MYH2: variants seen among roughly 807,000 people sequenced by gnomAD.
The protein encoded by MYH2 is myosin-2.
In MYH2, 139 loss-of-function variants were observed where a neutral mutation model predicts 228.1. The ratio of observed to expected loss-of-function variants is 0.61; its 90% CI spans 0.53 to 0.70. The LOEUF is 0.70. Among genes scored for constraint, MYH2 ranks in the 30% least tolerant of loss-of-function variants. The probability of loss-of-function intolerance (pLI) is 0.00; values close to 1 mark genes in which losing one functional copy is unlikely to be tolerated. For synonymous variants in MYH2, 796 were observed against 871.1 expected (o/e 0.91, Z 1.52); for missense variants, 1,809 against 2,357.5 (o/e 0.77, Z 4.82).
rs1283400784 is a variant in MYH2, at chr17:10,539,485, C to T, written c.1225G>A (p.Val409Ile). ...CCTTTGGTGACATACTCATTGCCGA[C>T]CTTGACCCTGGGGTAGCAGAGAGCT... ...LKALCYPRVK[V>I]GNEYVTKGQT... Residue 409 changes from valine (V) to isoleucine (I), a missense_variant, in exon 13 of 40, where the codon GTC (valine) becomes ATC (isoleucine). Val to Ile is a conservative substitution (Grantham distance 29). Transcript: ENST00000245503. 7 of 1,614,046 alleles carry T rather than the reference C, an allele frequency of 4.3e-6. No homozygotes were observed. Among genetic ancestry groups the T allele is most frequent in the Non-Finnish European group, 5.9e-6 (7 of 1,180,042 alleles).
In MYH2 at chr17:10,523,112, T is replaced by A. The variant is rs779103482; in HGVS notation, c.5651A>T (p.Tyr1884Phe). 1.2e-6 allele frequency: 2 copies of A among 1,613,238 alleles called. No individual in the cohort carries two copies. Among genetic ancestry groups the A allele is most frequent in the East Asian group, 2.2e-5 (1 of 44,880 alleles). Residue 1884 changes from tyrosine (Y) to phenylalanine (F), a missense_variant, in exon 39 of 40, where the codon TAT becomes TTT. Tyr to Phe is a conservative substitution (Grantham distance 22). Coordinates refer to ENST00000245503, the MANE Select transcript of MYH2 (RefSeq NM_017534.6). ...TACAGCCTCCTCAGCTTGTCTCTTA[T>A]AAGATTTCACTTTTGCCTGAAGTTT... ...VDKLQAKVKS[Y>F]KRQAEEAEEQ... is the part of the protein sequence containing the mutation.
rs2073341376 is a variant in MYH2 at position 10,525,590 on chromosome 17, A to C, written c.4398T>G (p.Cys1466Trp). The C allele has an allele frequency of 6.2e-7, 1 of 1,614,060 alleles. No homozygotes were observed. Among genetic ancestry groups the C allele is most frequent in the African/African-American group, 1.3e-5 (1 of 74,920 alleles). ...DKILAEWKQK[C>W]EETHAELEAS... Reference sequence around the variant, plus strand: ...CCTCAAGCTCAGCATGCGTTTCCTCACATTTCTGTTTCCATTCTGCCAGGA... The same window carrying C: ...CCTCAAGCTCAGCATGCGTTTCCTCCCATTTCTGTTTCCATTCTGCCAGGA... The change falls in exon 32 of 40, where the codon TGT (cysteine) becomes TGG (tryptophan). Residue 1466 changes from cysteine to tryptophan, a missense_variant. By Grantham distance (215) the Cys-to-Trp change is radical (BLOSUM62 -2). This residue lies in a region of MYH2 where 636 missense variants were observed against 729.9 expected (regional missense o/e 0.87). Coordinates refer to ENST00000245503, the MANE Select transcript of MYH2 (RefSeq NM_017534.6). This position sits in a 1 kb window ranked among gnomAD's most constrained non-coding sequence, Gnocchi z 4.2.
In MYH2 at chr17:10,525,979, C is replaced by A; in HGVS notation, c.4188-103G>T. The A allele has an allele frequency of 7.8e-7, 1 of 1,274,488 alleles. No individual in the cohort carries two copies. The highest frequency in any genetic ancestry group is 1.3e-5 in the South Asian group (1 of 76,470). 78.9% of individuals were successfully genotyped at this position (1,274,488 alleles called of 1,614,324 possible). ...TGTTAGAAACTTCACATTAATGCTG[C>A]CCAGCCACCTTTCATTCTTTCAACA... On this transcript the variant is annotated intron_variant, in intron 30 of 39. Coordinates refer to ENST00000245503, the MANE Select transcript of MYH2 (RefSeq NM_017534.6). This position sits in a 1 kb window ranked among gnomAD's most constrained non-coding sequence, Gnocchi z 4.2.
At position 10,529,073 on chromosome 17, in the gene MYH2, T is replaced by G. The variant is rs767581337; in HGVS notation, c.3361A>C (p.Ile1121Leu). 67 of 1,614,104 alleles carry G rather than the reference T, an allele frequency of 4.2e-5. No homozygotes were observed. The highest frequency in any genetic ancestry group is 4.7e-5 in the Non-Finnish European group (55 of 1,180,054). Residue 1121 changes from isoleucine to leucine, a missense_variant, in exon 27 of 40, where the codon ATT becomes CTT. By Grantham distance (5) the Ile-to-Leu change is conservative. Around this residue, in one of 9 missense-constraint regions of MYH2, gnomAD observed 636 missense variants for 729.9 expected, o/e 0.87. Coordinates refer to ENST00000245503, the MANE Select transcript of MYH2 (RefSeq NM_017534.6). ...TCGATTTCCTCCTCCAGCTCCTCAA[T>G]GCGGGCCTGGGAATGGTGGAAAATA... ...QKKIKELQAR[I>L]EELEEEIEAE...
At chr17:10,539,631 T>G (rs2073527453) in intron 12 of MYH2, 69 bp from the exon 13 acceptor site, 1 of 1,448,776 alleles carries the variant, frequency 6.9e-7, no homozygotes, top group Non-Finnish European at 9.7e-7. Context: ...AAAATATTTT[T>G]TAAACTACAA....
intron 27 of MYH2, among the ~76,000 whole-genome samples, chr17:10,528,484 C>T (rs189843200): frequency 1.4e-3 from 207 of 152,118 alleles, no homozygotes; most frequent in African/African-American, 4.7e-3. Flanking sequence ...TTATTAATGG[C>T]GTGATGGGTC....
At position 10,523,112 on chromosome 17, in the gene MYH2, T is replaced by C; in HGVS notation, c.5651A>G (p.Tyr1884Cys). The C allele has an allele frequency of 1.9e-6, 3 of 1,613,356 alleles. No homozygotes were observed. Among genetic ancestry groups the C allele is most frequent in the Non-Finnish European group, 2.5e-6 (3 of 1,179,258 alleles). ...VDKLQAKVKS[Y>C]KRQAEEAEEQ... The stretch of plus-strand genomic sequence containing the variant: ...TACAGCCTCCTCAGCTTGTCTCTTA[T>C]AAGATTTCACTTTTGCCTGAAGTTT... Residue 1884 changes from tyrosine to cysteine, a missense_variant, in exon 39 of 40, where the codon TAT (tyrosine) becomes TGT (cysteine). Transcript: ENST00000245503.
intron 4 of MYH2, among the ~76,000 whole-genome samples, chr17:10,546,618 G>C (rs1169734497): frequency 6.6e-6 from 1 of 151,950 alleles, no homozygotes; most frequent in African/African-American, 2.4e-5. Context: ...AACATGGTTA[G>C]TGTTAAGGCA....
chr17:10,534,336 G>A (rs2073458096), intron 19 of MYH2, among the ~76,000 whole-genome samples: 1 of 152,232 alleles, frequency 6.6e-6, no homozygotes, highest in African/African-American at 2.4e-5. Context: ...AGCTATGTTT[G>A]TATGGAAGAG....
At chr17:10,540,107 C>A (rs1169559052) in intron 11 of MYH2, 41 bp from the exon 12 acceptor site, 8 of 1,612,646 alleles carry the variant, frequency 5.0e-6, no homozygotes, top group Non-Finnish European at 6.8e-6. Flanking sequence ...GGTTGTGATC[C>A]ACACGCTTAC....
Position 10,537,765 on chromosome 17 carries a change from A to G in MYH2, c.1487T>C (p.Met496Thr). ...GTACTCCTCCTGCTCCAGCACGAACATGTGGTGGTTGAAAAACTGTTGCAG... is the reference window on the plus strand; with the variant it reads ...GTACTCCTCCTGCTCCAGCACGAACGTGTGGTGGTTGAAAAACTGTTGCAG... ...EKLQQFFNHHMFVLEQEEYKK... is the reference protein window; with the variant it reads ...EKLQQFFNHHTFVLEQEEYKK... The change falls in exon 15 of 40, where the codon ATG becomes ACG. Residue 496 changes from methionine (M) to threonine (T), a missense_variant. Physicochemically the swap from Met to Thr is moderately conservative, Grantham distance 81. Transcript: ENST00000245503. The surrounding 1 kb of genome is among the most constrained non-coding windows in gnomAD (Gnocchi z 4.0). 6.2e-7 allele frequency: 1 copy of G among 1,614,154 alleles called. No individual in the cohort carries two copies. Among genetic ancestry groups the G allele is most frequent in the Non-Finnish European group, 8.5e-7 (1 of 1,180,010 alleles).
At position 10,523,847 on chromosome 17, in the gene MYH2, G is replaced by A. The variant is rs1248040888; in HGVS notation, c.5213C>T (p.Thr1738Ile). ...SLINTKKKLE[T>I]DISQMQGEME... ...CTCTCCTTGCATTTGGGAAATATCT[G>A]TCTCCAGCTTCTTCTTGGTGTTGAT... Residue 1738 changes from threonine to isoleucine, a missense_variant, in exon 36 of 40, where the codon ACA becomes ATA. Coordinates refer to ENST00000245503, the MANE Select transcript of MYH2 (RefSeq NM_017534.6). 1 of 1,613,804 alleles carries A rather than the reference G, an allele frequency of 6.2e-7. No homozygotes were observed. The highest frequency in any genetic ancestry group is 8.5e-7 in the Non-Finnish European group (1 of 1,179,866).
chr17:10,537,078 C>G lies in MYH2; in HGVS notation c.1897+155G>C, dbSNP rs1567733544. ...CTCCTGTCAGCAGTGGAGTGAGCCACAAATGTATAATTACAAGGCTGCCTA... is the reference window on the plus strand; with the variant it reads ...CTCCTGTCAGCAGTGGAGTGAGCCAGAAATGTATAATTACAAGGCTGCCTA... On this transcript the variant is annotated intron_variant, in intron 16 of 39. Transcript: ENST00000245503. The surrounding 1 kb of genome is among the most constrained non-coding windows in gnomAD (Gnocchi z 4.0). Among the ~76,000 whole-genome samples, 3 of 152,284 alleles carry G rather than the reference C, an allele frequency of 2.0e-5. No individual in the cohort carries two copies. The South Asian group carries it at 6.2e-4, about 32-fold the overall frequency.
At chr17:10,545,701 A>T (rs1162919446) in intron 4 of MYH2, among the ~76,000 whole-genome samples, 199 bp from the exon 5 acceptor site, 1 of 152,154 alleles carries the variant, frequency 6.6e-6, no homozygotes, top group African/African-American at 2.4e-5. Context: ...AGTAGCTGGT[A>T]CTACAGGCAT....
intron 4 of MYH2, 103 bp downstream of exon 4, chr17:10,547,372 G>A: frequency 2.1e-6 from 3 of 1,436,702 alleles, no homozygotes; most frequent in South Asian, 2.3e-5. Context: ...TGCAATGAAA[G>A]TGAAATGGGT....
chr17:10,539,065 A>G, intron 14 of MYH2, 140 bp downstream of exon 14: 1 of 1,476,814 alleles, frequency 6.8e-7, no homozygotes, highest in South Asian at 1.2e-5. Flanking sequence ...GTACTACAAT[A>G]ACTGACCAGT....
chr17:10,534,118 G>A (rs2073455866), intron 19 of MYH2, among the ~76,000 whole-genome samples: 1 of 152,184 alleles, frequency 6.6e-6, no homozygotes, highest in African/African-American at 2.4e-5. Context: ...ACCTGGGAGA[G>A]ATCAGCTCCT....
intron 22 of MYH2, among the ~76,000 whole-genome samples, chr17:10,531,273 C>T (rs1017195339): frequency 1.3e-5 from 2 of 152,036 alleles, no homozygotes; most frequent in South Asian, 2.1e-4. Flanking sequence ...AGGAAGTTTC[C>T]GAAAAATATT....
Position 10,525,735 on chromosome 17 carries a change from G to T in MYH2, c.4329C>A (p.Ala1443=). ...DLMLDVERTN[A]ACAALDKKQR... Reference sequence around the variant, plus strand: ...GCTTTTTGTCAAGGGCGGCACAGGCGGCATTTGTCCTCTCCACATCAAGCA... The same window carrying T: ...GCTTTTTGTCAAGGGCGGCACAGGCTGCATTTGTCCTCTCCACATCAAGCA... Residue 1443 remains alanine, a synonymous_variant, in exon 31 of 40, where the codon GCC becomes GCA. Transcript: ENST00000245503. This position sits in a 1 kb window ranked among gnomAD's most constrained non-coding sequence, Gnocchi z 4.2. The T allele has an allele frequency of 3.1e-6, 5 of 1,614,178 alleles. No individual in the cohort carries two copies. The highest frequency in any genetic ancestry group is 4.2e-6 in the Non-Finnish European group (5 of 1,180,034).
Sources: gnomAD v4.1 joint callset for allele counts (sites outside exome capture counted in the v4.1 genomes callset) on GRCh38, gnomAD v4.1.1 for gene constraint, gnomAD v4.1.1 regional missense constraint, Gnocchi (gnomAD v3.1) non-coding constraint, MANE v1.5 for transcripts, NCBI Gene and HGNC (gene_info 2026-07-23, HGNC 2026-07-21) for gene names.